ATP9B: variants seen among roughly 807,000 people sequenced by gnomAD.
ATP9B encodes the protein ATPase phospholipid transporting 9B, also known as probable phospholipid-transporting ATPase IIB.
ATP9B carries 110 observed loss-of-function variants against 146.1 expected under a neutral mutation model. That is an observed-to-expected ratio of 0.75 (90% CI 0.65 to 0.88). The LOEUF (loss-of-function observed/expected upper bound fraction) is 0.88, where lower values mean the gene tolerates loss of function less well. Among genes scored for constraint, ATP9B ranks in the 40% least tolerant of loss-of-function variants. The pLI is 0.00. For missense variants in ATP9B, 1,499 were observed against 1,496.4 expected, an observed-to-expected ratio of 1.00 and a Z score of -0.03; for synonymous variants, 604 against 569.7, an observed-to-expected ratio of 1.06 and a Z score of -0.86.
chr18:79,099,196 ATTTCTTTTTTCTTTTCT>A (rs944799438), intron 2 of ATP9B, among the ~76,000 whole-genome samples: 11 of 152,044 alleles, frequency 7.2e-5, no homozygotes, highest in Admixed American at 3.9e-4. Context: ...TTCAAAATCT[ATTTCTTTTTTCTTTTCT>A]TTTCTTTTTT....
chr18:79,126,757 C>A (rs1410042496), intron 5 of ATP9B, among the ~76,000 whole-genome samples: 1 of 152,176 alleles, frequency 6.6e-6, no homozygotes, highest in Non-Finnish European at 1.5e-5. Context: ...ATGTCTATAC[C>A]ATGGCATTAA....
intron 7 of ATP9B, among the ~76,000 whole-genome samples, chr18:79,162,834 A>G (rs2094903766): frequency 6.6e-6 from 1 of 152,188 alleles, no homozygotes; most frequent in Non-Finnish European, 1.5e-5. Context: ...TAGGAAGTCT[A>G]CTAATATTAC....
At chr18:79,137,604 C>A (rs1038203630) in intron 5 of ATP9B, among the ~76,000 whole-genome samples, 3 of 152,148 alleles carry the variant, frequency 2.0e-5, no homozygotes, top group African/African-American at 7.2e-5. Flanking sequence ...TTTTGGATAT[C>A]CCCCGTCACT....
intron 26 of ATP9B, chr18:79,361,120 G>A (rs531497018): frequency 6.6e-6 from 1 of 152,326 alleles, no homozygotes; most frequent in East Asian, 1.9e-4. Flanking sequence ...GGTCACCAGG[G>A]GTCTTGTAGC....
intron 1 of ATP9B, chr18:79,085,033 C>T (rs1052009877): frequency 6.6e-6 from 1 of 151,016 alleles, no homozygotes; most frequent in East Asian, 1.9e-4. Context: ...TTAATTGGCT[C>T]GTGCTTCTGT....
chr18:79,131,438 G>T (rs2094376632), intron 5 of ATP9B, among the ~76,000 whole-genome samples: 2 of 152,196 alleles, frequency 1.3e-5, no homozygotes, highest in South Asian at 4.1e-4. Context: ...TCAGTCAACA[G>T]CCTTAGACCA....
intron 4 of ATP9B, among the ~76,000 whole-genome samples, chr18:79,122,389 A>G (rs1460168614): frequency 6.6e-6 from 1 of 152,198 alleles, no homozygotes; most frequent in Non-Finnish European, 1.5e-5. Flanking sequence ...TGTTACTAAA[A>G]TTAAGCTGTG....
chr18:79,210,362 G>A (rs756080948), intron 10 of ATP9B, among the ~76,000 whole-genome samples: 33 of 152,180 alleles, frequency 2.2e-4, no homozygotes, highest in Non-Finnish European at 4.4e-4. Flanking sequence ...GTGGACCCAC[G>A]CCTGGGTGCG....
rs376702405 is a variant in ATP9B at position 79,096,576 on chromosome 18, C to T, written c.220C>T (p.Arg74Ter). Residue 74 changes from arginine (R) to a stop codon, truncating the protein, a stop_gained, in exon 2 of 30, where the codon CGA (arginine) becomes TGA (stop). Coordinates refer to ENST00000426216, the MANE Select transcript of ATP9B (RefSeq NM_198531.5). LOFTEE classifies it high-confidence loss of function. ...NEESDYHTLPRARIMQRKRGL... is the reference protein window; with the variant it reads ...NEESDYHTLP ...GGAAAGTGATTACCACACCTTACCA[C>T]GAGCCAGGATAATGCAAAGGAAAAG... 73 of 1,613,880 alleles carry T rather than the reference C, an allele frequency of 4.5e-5. No individual in the cohort carries two copies. The highest frequency in any genetic ancestry group is 5.9e-5 in the Non-Finnish European group (70 of 1,179,960).
rs923451785 is a variant in ATP9B, at chr18:79,157,891, C to T, written c.778+3336C>T. ...TCCTGATTTTAGTAATTGAACTCTT[C>T]TCTCTTTTTTTCTTGGTCAGTCTAG... On this transcript the variant is annotated intron_variant, in intron 7 of 29. Coordinates refer to ENST00000426216, the MANE Select transcript of ATP9B (RefSeq NM_198531.5). Among the ~76,000 whole-genome samples, 15 of 152,006 alleles carry T rather than the reference C, an allele frequency of 9.9e-5. No homozygotes were observed. In the Middle Eastern group the frequency reaches 0.01, roughly 103 times the overall value.
At chr18:79,287,014 G>T (rs1187432819) in intron 13 of ATP9B, among the ~76,000 whole-genome samples, 1 of 152,178 alleles carries the variant, frequency 6.6e-6, no homozygotes, top group East Asian at 1.9e-4. Context: ...GCTGGATTCG[G>T]TTTGCCAGTA....
intron 1 of ATP9B, among the ~76,000 whole-genome samples, chr18:79,073,655 A>G (rs1165869004): frequency 6.6e-6 from 1 of 151,970 alleles, no homozygotes. Context: ...GACCGTGGAA[A>G]GCGGGAGACG....
At chr18:79,364,637 A>G (rs1200217495) in intron 26 of ATP9B, among the ~76,000 whole-genome samples, 1 of 152,218 alleles carries the variant, frequency 6.6e-6, no homozygotes, top group African/African-American at 2.4e-5. Flanking sequence ...CAAAATATGC[A>G]TGACCTTGGG....
intron 2 of ATP9B, among the ~76,000 whole-genome samples, chr18:79,102,282 G>A (rs1195120410): frequency 3.9e-5 from 6 of 152,108 alleles, no homozygotes; most frequent in African/African-American, 1.2e-4. Context: ...TTTTGGTGTC[G>A]CATCTAAGAA....
At chr18:79,288,950 T>G (rs1359110349) in intron 13 of ATP9B, among the ~76,000 whole-genome samples, 1 of 152,242 alleles carries the variant, frequency 6.6e-6, no homozygotes, top group Non-Finnish European at 1.5e-5. Context: ...GCCCCTACTC[T>G]CTTCTGGCTT....
intron 11 of ATP9B, among the ~76,000 whole-genome samples, chr18:79,243,483 C>G (rs2095909697): frequency 6.6e-6 from 1 of 152,130 alleles, no homozygotes; most frequent in Admixed American, 6.5e-5. Flanking sequence ...TGGAGATCTT[C>G]CAGTGGCTTA....
At chr18:79,332,158 G>A (rs115293331) in intron 17 of ATP9B, among the ~76,000 whole-genome samples, 2,305 of 152,282 alleles carry the variant, frequency 0.015, 63 homozygotes, top group African/African-American at 0.053. Flanking sequence ...GGCTGGGTAC[G>A]GTGGCTTACG....
intron 17 of ATP9B, among the ~76,000 whole-genome samples, chr18:79,333,152 G>A (rs1436509357): frequency 6.6e-6 from 1 of 152,214 alleles, no homozygotes; most frequent in Non-Finnish European, 1.5e-5. Context: ...CGCGTGCCTG[G>A]GGGGCCGTGA....
At chr18:79,146,964 A>C (rs2094601585) in intron 6 of ATP9B, 1 of 152,306 alleles carries the variant, frequency 6.6e-6, no homozygotes, top group African/African-American at 2.4e-5. Context: ...TGTGCACGAA[A>C]GTCTCTTCAA....
Sources: gnomAD v4.1 joint callset for allele counts (sites outside exome capture counted in the v4.1 genomes callset) on GRCh38, gnomAD v4.1.1 for gene constraint, MANE v1.5 for transcripts, NCBI Gene and HGNC (gene_info 2026-07-23, HGNC 2026-07-21) for gene names.